MINAR1: variants seen among roughly 807,000 people sequenced by gnomAD.
MINAR1 encodes the protein membrane integral NOTCH2 associated receptor 1.
Under a neutral mutation model 65.1 loss-of-function variants are expected in MINAR1, and 40 were observed. The observed-to-expected ratio is 0.61, with a 90% confidence interval of 0.48 to 0.80. MINAR1 has a LOEUF of 0.80. Among genes scored for constraint, MINAR1 ranks in the 30% least tolerant of loss-of-function variants. The probability of loss-of-function intolerance (pLI) is 0.00; values close to 1 mark genes in which losing one functional copy is unlikely to be tolerated. For synonymous variants in MINAR1, 482 were observed against 449.1 expected (o/e 1.07, Z -0.93); for missense variants, 1,128 against 1,148.0 (o/e 0.98, Z 0.25).
At chr15:79,461,136 G>A (rs895168714) in intron 2 of MINAR1, among the ~76,000 whole-genome samples, 2 of 152,202 alleles carry the variant, frequency 1.3e-5, no homozygotes, top group African/African-American at 2.4e-5. Flanking sequence ...TACGTATTAT[G>A]TATATATATT....
At chr15:79,430,379 G>A (rs1441202010), upstream of MINAR1, among the ~76,000 whole-genome samples, 1 of 152,010 alleles carries the variant, frequency 6.6e-6, no homozygotes, top group Non-Finnish European at 1.5e-5. Context: ...CAAAAGAAAA[G>A]GCAGATCCCA....
At chr15:79,449,829 A>C (rs1271043568) in intron 1 of MINAR1, among the ~76,000 whole-genome samples, 1 of 152,166 alleles carries the variant, frequency 6.6e-6, no homozygotes, top group African/African-American at 2.4e-5. Context: ...CCTACCAGAC[A>C]TACAGACTCT....
chr15:79,431,037 C>T (rs1379479838), upstream of MINAR1, among the ~76,000 whole-genome samples: 2 of 152,164 alleles, frequency 1.3e-5, no homozygotes, highest in African/African-American at 4.8e-5. Flanking sequence ...GATCTGCGTC[C>T]CCCCAGGGCC....
upstream of MINAR1, among the ~76,000 whole-genome samples, chr15:79,429,855 G>C: frequency 6.6e-6 from 1 of 152,230 alleles, no homozygotes; most frequent in East Asian, 1.9e-4. Context: ...TGTGTGCAAC[G>C]GGAGAGGGAG....
At chr15:79,423,322 C>G in the MINAR1 span, 1 of 152,092 alleles carries the variant, frequency 6.6e-6, no homozygotes, top group African/African-American at 2.4e-5. Flanking sequence ...AAAAAAATAA[C>G]AGACTATGCT....
intron 2 of MINAR1, among the ~76,000 whole-genome samples, chr15:79,458,875 T>C (rs981228941): frequency 2.6e-5 from 4 of 152,350 alleles, no homozygotes; most frequent in Non-Finnish European, 5.9e-5. Flanking sequence ...CTTCATTGTA[T>C]GTGTGATGTT....
intron 3 of MINAR1, among the ~76,000 whole-genome samples, chr15:79,466,574 C>G (rs867990256): frequency 2.0e-5 from 3 of 152,078 alleles, no homozygotes; most frequent in Admixed American, 2.0e-4. Flanking sequence ...AAAAATCACT[C>G]GTAGTTCAAG....
At chr15:79,447,476 G>A (rs34540976) in intron 1 of MINAR1, among the ~76,000 whole-genome samples, 37,942 of 151,608 alleles carry the variant, frequency 0.25, 6,386 homozygotes, top group African/African-American at 0.49. Context: ...ATTTATTTTA[G>A]GTTCTTGAAG....
chr15:79,463,288 C>G lies in MINAR1; in HGVS notation c.2520C>G (p.Gly840=), dbSNP rs144425164. ...WTIEEYARNA[G]DKGKLTALDL... Reference sequence around the variant, plus strand: ...TTGAGGAGTATGCACGGAATGCGGGCGACAAGGGCAAGCTGACAGCCCTGG... The same window carrying G: ...TTGAGGAGTATGCACGGAATGCGGGGGACAAGGGCAAGCTGACAGCCCTGG... The change falls in exon 3 of 4, where the codon GGC becomes GGG. Residue 840 remains glycine, a synonymous_variant. Coordinates refer to ENST00000305428, the MANE Select transcript of MINAR1 (RefSeq NM_015206.3). 1 of 1,614,114 alleles carries G rather than the reference C, an allele frequency of 6.2e-7. No homozygotes were observed. The highest frequency in any genetic ancestry group is 8.5e-7 in the Non-Finnish European group (1 of 1,179,976).
chr15:79,463,408 C>T, intron 3 of MINAR1, 87 bp downstream of exon 3: 2 of 1,513,376 alleles, frequency 1.3e-6, no homozygotes, highest in Non-Finnish European at 1.8e-6. Flanking sequence ...CTTAGACCGG[C>T]CAGCCCACTT....
intron 3 of MINAR1, among the ~76,000 whole-genome samples, chr15:79,465,229 C>A (rs1895795016): frequency 2.6e-5 from 4 of 152,152 alleles, no homozygotes; most frequent in African/African-American, 2.4e-5. Flanking sequence ...AAGAGCCAAC[C>A]TTGAGAGCTT....
In MINAR1 at chr15:79,457,289, G is replaced by C. The variant is rs368033943; in HGVS notation, c.1142G>C (p.Arg381Pro). ...LNTEEVPDFE[R>P]SFFNRNPSEE... Reference sequence around the variant, plus strand: ...ACAGAGGAAGTTCCTGACTTTGAACGGTCCTTTTTCAATAGAAATCCCTCC... The same window carrying C: ...ACAGAGGAAGTTCCTGACTTTGAACCGTCCTTTTTCAATAGAAATCCCTCC... Residue 381 changes from arginine to proline, a missense_variant, in exon 2 of 4, where the codon CGG (arginine) becomes CCG (proline). Coordinates refer to ENST00000305428, the MANE Select transcript of MINAR1 (RefSeq NM_015206.3). 3.7e-6 allele frequency: 6 copies of C among 1,614,026 alleles called. No homozygotes were observed. In the East Asian group the frequency reaches 8.9e-5, roughly 24 times the overall value.
rs1895708851 is a variant in MINAR1, at chr15:79,463,154, C to T, written c.2386C>T (p.His796Tyr). 1.2e-6 allele frequency: 2 copies of T among 1,614,112 alleles called. No homozygotes were observed. The highest frequency in any genetic ancestry group is 1.7e-6 in the Non-Finnish European group (2 of 1,180,048). The change falls in exon 3 of 4, where the codon CAC (histidine) becomes TAC (tyrosine). Residue 796 changes from histidine to tyrosine, a missense_variant. His to Tyr is a moderately conservative substitution (Grantham distance 83, BLOSUM62 2). Coordinates refer to ENST00000305428, the MANE Select transcript of MINAR1 (RefSeq NM_015206.3). ...GFLVEQVFSP[H>Y]PYPASLKAHM... is the part of the protein sequence containing the mutation. ...CCTGGTGGAGCAGGTGTTCAGCCCTCACCCCTACCCTGCCTCCCTCAAGGC... is the reference window on the plus strand; with the variant it reads ...CCTGGTGGAGCAGGTGTTCAGCCCTTACCCCTACCCTGCCTCCCTCAAGGC...
intron 3 of MINAR1, among the ~76,000 whole-genome samples, chr15:79,464,116 G>A (rs1030109479): frequency 6.6e-6 from 1 of 152,224 alleles, no homozygotes; most frequent in African/African-American, 2.4e-5. Context: ...AAAGAGGGCT[G>A]TGGGAGGTAC....
chr15:79,451,100 A>G (rs1895180172), intron 1 of MINAR1, among the ~76,000 whole-genome samples: 1 of 152,148 alleles, frequency 6.6e-6, no homozygotes, highest in East Asian at 1.9e-4. Flanking sequence ...TTAGGCTTCA[A>G]TGCCTTTCAC....
At chr15:79,465,808 C>T (rs1307441245) in intron 3 of MINAR1, among the ~76,000 whole-genome samples, 2 of 151,874 alleles carry the variant, frequency 1.3e-5, no homozygotes, top group African/African-American at 4.8e-5. Context: ...TTAGGGGTGC[C>T]TCAGCCACTT....
Position 79,456,485 on chromosome 15 carries a change from G to A in MINAR1, c.338G>A (p.Arg113His), listed in dbSNP as rs762688621. ...EKLPTGRQKV[R>H]KKEASFESCR... ...CTGCCCACGGGCCGCCAGAAGGTAC[G>A]CAAGAAGGAGGCATCCTTTGAATCA... The change falls in exon 2 of 4, where the codon CGC (arginine) becomes CAC (histidine). Residue 113 changes from arginine to histidine, a missense_variant. Coordinates refer to ENST00000305428, the MANE Select transcript of MINAR1 (RefSeq NM_015206.3). The A allele has an allele frequency of 5.0e-6, 8 of 1,613,902 alleles. No homozygotes were observed. Among genetic ancestry groups the A allele is most frequent in the East Asian group, 2.2e-5 (1 of 44,892 alleles).
At chr15:79,436,935 CT>C (rs1370245905) in intron 1 of MINAR1, among the ~76,000 whole-genome samples, 1 of 152,080 alleles carries the variant, frequency 6.6e-6, no homozygotes, top group Non-Finnish European at 1.5e-5. Context: ...TGCACCCTTT[CT>C]TCCTGCCATT....
chr15:79,434,610 G>A (rs1449389715), intron 1 of MINAR1, among the ~76,000 whole-genome samples: 1 of 152,218 alleles, frequency 6.6e-6, no homozygotes. Context: ...CAGCCAGGTG[G>A]TAATATGCAT....
Sources: gnomAD v4.1 joint callset for allele counts (sites outside exome capture counted in the v4.1 genomes callset) on GRCh38, gnomAD v4.1.1 for gene constraint, MANE v1.5 for transcripts, NCBI Gene and HGNC (gene_info 2026-07-23, HGNC 2026-07-21) for gene names.